Variants in NAV3 observed in about 807,000 individuals in gnomAD.
NAV3 encodes neuron navigator 3.
In NAV3, 87 loss-of-function variants were observed where a neutral mutation model predicts 244.7. That is an observed-to-expected ratio of 0.36 (90% CI 0.30 to 0.42). The LOEUF is 0.42. NAV3 is among the 20% of genes least tolerant of loss of function. NAV3 has a pLI of 1.00. For missense variants in NAV3, 2,663 were observed against 2,893.3 expected (o/e 0.92, Z 1.83); for synonymous variants, 1,126 against 1,042.2 (o/e 1.08, Z -1.55).
chr12:77,963,082 T>C (rs746291553), intron 3 of NAV3, among the ~76,000 whole-genome samples: 83 of 152,164 alleles, frequency 5.5e-4, no homozygotes, highest in Non-Finnish European at 1.1e-3. Context: ...ATTATTTGGC[T>C]CAATTTGATG....
At chr12:77,626,665 G>GA (rs963847400) in intron 2 of NAV3, among the ~76,000 whole-genome samples, 33 of 151,744 alleles carry the variant, frequency 2.2e-4, no homozygotes, top group African/African-American at 7.0e-4. Context: ...GCATAAAGAA[G>GA]AAAAAAAACC....
At chr12:77,757,211 C>G (rs944110548) in intron 2 of NAV3, among the ~76,000 whole-genome samples, 2 of 152,184 alleles carry the variant, frequency 1.3e-5, no homozygotes, top group African/African-American at 4.8e-5. Context: ...GGTTCTTACA[C>G]CTTCTGCTCA....
intron 1 of NAV3, among the ~76,000 whole-genome samples, chr12:77,857,082 A>G (rs1286765530): frequency 6.6e-6 from 1 of 152,108 alleles, no homozygotes; most frequent in Non-Finnish European, 1.5e-5. Flanking sequence ...ATTCAAATCT[A>G]CATATTTCTG....
At chr12:77,973,373 A>AT (rs1565975864) in intron 5 of NAV3, among the ~76,000 whole-genome samples, 3 of 152,182 alleles carry the variant, frequency 2.0e-5, no homozygotes, top group Admixed American at 1.3e-4. Flanking sequence ...ATTAAAAAAA[A>AT]ATATATTGGG....
intron 2 of NAV3, among the ~76,000 whole-genome samples, chr12:77,747,457 T>C (rs1868608262): frequency 6.6e-6 from 1 of 152,198 alleles, no homozygotes; most frequent in African/African-American, 2.4e-5. Context: ...AGTTCAACCA[T>C]TGTGGAAGTC....
intron 2 of NAV3, among the ~76,000 whole-genome samples, chr12:77,708,339 G>C (rs1875935063): frequency 6.6e-6 from 1 of 152,148 alleles, no homozygotes; most frequent in African/African-American, 2.4e-5. Flanking sequence ...TCTTGTTTTT[G>C]TCAGGTTTGT....
chr12:78,001,084 T>C (rs182475586), intron 7 of NAV3, among the ~76,000 whole-genome samples: 1 of 152,246 alleles, frequency 6.6e-6, no homozygotes, highest in Non-Finnish European at 1.5e-5. Flanking sequence ...TCTAGAATAA[T>C]GTTTATAAAA....
intron 3 of NAV3, among the ~76,000 whole-genome samples, chr12:77,948,050 GA>G (rs1354249338): frequency 1.3e-5 from 2 of 151,922 alleles, no homozygotes; most frequent in African/African-American, 4.8e-5. Context: ...AAGTCAATTG[GA>G]ACTCTGATTT....
intron 1 of NAV3, among the ~76,000 whole-genome samples, chr12:77,840,778 A>AGCT (rs766724219): frequency 6.6e-6 from 1 of 152,220 alleles, no homozygotes; most frequent in Non-Finnish European, 1.5e-5. Flanking sequence ...GCTAGGGCAG[A>AGCT]GCTGGAATTC....
At chr12:78,193,084 A>T (rs1959054359) in intron 34 of NAV3, among the ~76,000 whole-genome samples, 1 of 152,224 alleles carries the variant, frequency 6.6e-6, no homozygotes, top group African/African-American at 2.4e-5. Flanking sequence ...GACGCATTTT[A>T]TGCTGTGCCA....
At chr12:78,012,785 A>G (rs1003529169) in intron 8 of NAV3, among the ~76,000 whole-genome samples, 3 of 152,098 alleles carry the variant, frequency 2.0e-5, no homozygotes, top group South Asian at 2.1e-4. Flanking sequence ...TTCTTTACAC[A>G]GTTTATTACT....
chr12:78,141,400 A>G (rs528444744), intron 20 of NAV3, among the ~76,000 whole-genome samples: 19 of 152,318 alleles, frequency 1.2e-4, no homozygotes, highest in African/African-American at 4.3e-4. Flanking sequence ...AAAGCAGCCT[A>G]CTGAATCTCA....
chr12:78,082,057 G>A lies in NAV3; in HGVS notation c.2636+22942G>A, dbSNP rs143100062. 3.1e-3 allele frequency among the ~76,000 whole-genome samples: 475 copies of A among 152,232 alleles called. 1 individual carries two copies. The highest frequency in any genetic ancestry group is 5.1e-3 in the Non-Finnish European group (347 of 68,016). ...CATGGGGACAGGGCTTTCCCATGCT[G>A]TTCTTCTGCTAGTGAATAAGTCTCA... On this transcript the variant is annotated intron_variant, in intron 12 of 39. Transcript: ENST00000397909.
intron 11 of NAV3, among the ~76,000 whole-genome samples, chr12:78,053,995 C>T (rs1405547008): frequency 6.6e-6 from 1 of 152,030 alleles, no homozygotes; most frequent in East Asian, 1.9e-4. Flanking sequence ...ATCTTGGGAG[C>T]AGTTTGAATA....
At chr12:77,853,467 T>A (rs565970014) in intron 1 of NAV3, among the ~76,000 whole-genome samples, 55 of 152,322 alleles carry the variant, frequency 3.6e-4, no homozygotes, top group African/African-American at 1.2e-3. Context: ...TTGGGAAACA[T>A]AAATTCTTAA....
chr12:77,727,581 T>A (rs920054643), intron 2 of NAV3, among the ~76,000 whole-genome samples: 3 of 151,968 alleles, frequency 2.0e-5, no homozygotes, highest in Non-Finnish European at 4.4e-5. Flanking sequence ...GGAGACAGAA[T>A]AACATGGGCA....
At chr12:78,060,884 G>A (rs1884230150) in intron 12 of NAV3, among the ~76,000 whole-genome samples, 1 of 152,126 alleles carries the variant, frequency 6.6e-6, no homozygotes, top group South Asian at 2.1e-4. Context: ...TGTTGTGATG[G>A]CAGAACCAAG....
intron 12 of NAV3, among the ~76,000 whole-genome samples, chr12:78,078,433 T>C (rs911451864): frequency 4.9e-5 from 6 of 122,010 alleles, no homozygotes; most frequent in African/African-American, 1.8e-4. Context: ...TCTCGCTCTG[T>C]CGCCCAGGCT....
At chr12:78,117,158 C>CTTATATATATAT (rs1555292748) in intron 13 of NAV3, among the ~76,000 whole-genome samples, 797 of 70,308 alleles carry the variant, frequency 0.011, 128 homozygotes, top group Admixed American at 0.016. Flanking sequence ...ACAGAAGCAG[C>CTTATATATATAT]ATATATATAT....
Sources: allele counts gnomAD v4.1 joint callset (sites outside exome capture counted in the v4.1 genomes callset), GRCh38; gene constraint gnomAD v4.1.1; transcripts MANE v1.5; gene names NCBI Gene and HGNC (gene_info 2026-07-23, HGNC 2026-07-21).